Variants in PDE8A observed in about 807,000 individuals in gnomAD.
The protein encoded by PDE8A is high affinity cAMP-specific and IBMX-insensitive 3',5'-cyclic phosphodiesterase 8A.
Under a neutral mutation model 105.0 loss-of-function variants are expected in PDE8A, and 59 were observed. The ratio of observed to expected loss-of-function variants is 0.56; its 90% CI spans 0.46 to 0.70. The LOEUF is 0.70. Among genes scored for constraint, PDE8A ranks in the 30% least tolerant of loss-of-function variants. PDE8A has a pLI of 0.00. For synonymous variants in PDE8A, 355 were observed against 371.9 expected, an observed-to-expected ratio of 0.95 and a Z score of 0.52; for missense variants, 1,014 against 1,045.9, an observed-to-expected ratio of 0.97 and a Z score of 0.42.
At chr15:85,095,971 G>A (rs1375504992) in intron 8 of PDE8A, among the ~76,000 whole-genome samples, 1 of 151,640 alleles carries the variant, frequency 6.6e-6, no homozygotes, top group Non-Finnish European at 1.5e-5. Flanking sequence ...TGCCTCCTAG[G>A]TTCAAGCGAT....
Position 85,112,820 on chromosome 15 carries a change from A to G in PDE8A, c.1115-557A>G, listed in dbSNP as rs74027412. Among the ~76,000 whole-genome samples, 798 of 152,342 alleles carry G rather than the reference A, an allele frequency of 5.2e-3. 3 individuals carry two copies. Among genetic ancestry groups the G allele is most frequent in the African/African-American group, 0.017 (691 of 41,578 alleles). ...TATCTTGACAGGAACAACAGAAATT[A>G]ACAAACTTTAGAGCCTAAGAATTGC... On this transcript the variant is annotated intron_variant, in intron 12 of 21. Transcript: ENST00000394553.
chr15:85,115,956 T>C, intron 15 of PDE8A, 28 bp from the exon 16 acceptor site: 1 of 1,594,590 alleles, frequency 6.3e-7, no homozygotes, highest in Non-Finnish European at 8.6e-7. Flanking sequence ...TAAAGCCTAT[T>C]TGTTCTCCAA....
At chr15:85,017,887 CA>C (rs35782842) in intron 1 of PDE8A, among the ~76,000 whole-genome samples, 49 of 81,188 alleles carry the variant, frequency 6.0e-4, no homozygotes, top group East Asian at 1.3e-3. Flanking sequence ...AACTCCGTCT[CA>C]AAAAAAAAAA....
intron 1 of PDE8A, among the ~76,000 whole-genome samples, chr15:85,018,563 G>A (rs1286218768): frequency 1.3e-5 from 2 of 151,964 alleles, no homozygotes; most frequent in Non-Finnish European, 1.5e-5. Flanking sequence ...TTTAGTATTA[G>A]GAATAAGTAA....
Position 85,118,488 on chromosome 15 carries a change from C to T in PDE8A, c.1734+649C>T, listed in dbSNP as rs139864384. On this transcript the variant is annotated intron_variant, in intron 17 of 21. Transcript: ENST00000394553. ...GTTCCAAACTAGAATTCTTGCCTGC[C>T]CTGCCTCCCATGGAATGCCCTTACC... Among the ~76,000 whole-genome samples the T allele has an allele frequency of 3.2e-3, 484 of 152,272 alleles. 3 individuals carry two copies. Among genetic ancestry groups the T allele is most frequent in the African/African-American group, 0.011 (456 of 41,538 alleles).
At chr15:85,014,465 A>G (rs2080291338) in intron 1 of PDE8A, among the ~76,000 whole-genome samples, 1 of 152,232 alleles carries the variant, frequency 6.6e-6, no homozygotes, top group Admixed American at 6.5e-5. Context: ...CATAGGCAGG[A>G]TAAATGCTTG....
chr15:85,097,992 T>G lies in PDE8A; in HGVS notation c.897T>G (p.Asn299Lys). 6.2e-7 allele frequency: 1 copy of G among 1,604,656 alleles called. No individual in the cohort carries two copies. The highest frequency in any genetic ancestry group is 8.5e-7 in the Non-Finnish European group (1 of 1,171,626). ...ATGCCAAAAAGAAAAACGGAGATAA[T>G]ATACAACAAAATGTGAAGATAATAC... ...IYYAKKKNGD[N>K]IQQNVKIIPV... Residue 299 changes from asparagine to lysine, a missense_variant, in exon 9 of 22, where the codon AAT becomes AAG. Asn to Lys is a moderately conservative substitution (Grantham distance 94). Transcript: ENST00000394553.
In PDE8A at chr15:85,019,360, G is replaced by T. The variant is rs571460495; in HGVS notation, c.186+37012G>T. 9.9e-5 allele frequency among the ~76,000 whole-genome samples: 15 copies of T among 152,224 alleles called. No individual in the cohort carries two copies. In the South Asian group the frequency reaches 3.1e-3, roughly 32 times the overall value. ...AGTCAAAAAGATAGACATAGCAAAT[G>T]TATCAACATTTAAAAAATTTTTGAT... On this transcript the variant is annotated intron_variant, in intron 1 of 21. Coordinates refer to ENST00000394553, the MANE Select transcript of PDE8A (RefSeq NM_002605.3).
intron 1 of PDE8A, among the ~76,000 whole-genome samples, chr15:85,011,902 C>T (rs919233444): frequency 6.6e-6 from 1 of 152,232 alleles, no homozygotes; most frequent in Non-Finnish European, 1.5e-5. Flanking sequence ...TGAACAGACA[C>T]TTCTCAAATT....
chr15:85,019,943 G>GTTTTTTTTTTTTTTTTTTTTTTTTTTTT (rs201634002), intron 1 of PDE8A, among the ~76,000 whole-genome samples: 2 of 64,772 alleles, frequency 3.1e-5, no homozygotes, highest in Non-Finnish European at 2.7e-5. Flanking sequence ...TTTTTTTTTG[G>GTTTTTTTTTTTTTTTTTTTTTTTTTTTT]TTTTTTTTTT....
intron 14 of PDE8A, 121 bp downstream of exon 14, chr15:85,114,158 C>A: frequency 2.6e-6 from 2 of 778,256 alleles, no homozygotes; most frequent in Non-Finnish European, 2.1e-6. Context: ...TCAGTCAAGA[C>A]CTAAACTCTC....
chr15:85,064,504 T>G, intron 2 of PDE8A, 78 bp downstream of exon 2: 1 of 887,432 alleles, frequency 1.1e-6, no homozygotes, highest in Non-Finnish European at 1.9e-6. Flanking sequence ...ATTTACACAT[T>G]TAAAATAGTC....
chr15:85,068,148 C>G (rs2081259544), intron 3 of PDE8A, among the ~76,000 whole-genome samples: 1 of 152,146 alleles, frequency 6.6e-6, no homozygotes, highest in South Asian at 2.1e-4. Context: ...TCAAGGGATT[C>G]TCCTGCCTCA....
chr15:84,981,571 C>T (rs1483128928), upstream of PDE8A, among the ~76,000 whole-genome samples: 1 of 152,182 alleles, frequency 6.6e-6, no homozygotes, highest in Non-Finnish European at 1.5e-5. Flanking sequence ...CCAGCGGGAG[C>T]GTCTAAGGCT....
At chr15:85,083,394 G>A (rs1479265583) in intron 5 of PDE8A, among the ~76,000 whole-genome samples, 162 bp from the exon 6 acceptor site, 1 of 152,010 alleles carries the variant, frequency 6.6e-6, no homozygotes, top group Non-Finnish European at 1.5e-5. Context: ...AGCTAATCTG[G>A]TGCCCATAAA....
chr15:85,068,709 G>C (rs1435843315), intron 3 of PDE8A, among the ~76,000 whole-genome samples: 1 of 152,166 alleles, frequency 6.6e-6, no homozygotes, highest in Non-Finnish European at 1.5e-5. Context: ...GAAGAGGGAG[G>C]ACAGGGTGAG....
chr15:84,998,531 T>G (rs2080015685), intron 1 of PDE8A, among the ~76,000 whole-genome samples: 1 of 152,256 alleles, frequency 6.6e-6, no homozygotes, highest in South Asian at 2.1e-4. Context: ...TTTGAATGCA[T>G]GTACAGATAC....
At chr15:85,005,192 C>T (rs940366049) in intron 1 of PDE8A, among the ~76,000 whole-genome samples, 4 of 152,024 alleles carry the variant, frequency 2.6e-5, no homozygotes, top group Admixed American at 1.3e-4. Flanking sequence ...GTGGCATGAT[C>T]ACAGCTTGAG....
chr15:85,041,315 C>T (rs774311238), intron 1 of PDE8A, among the ~76,000 whole-genome samples: 1 of 152,190 alleles, frequency 6.6e-6, no homozygotes, highest in Non-Finnish European at 1.5e-5. Context: ...CTTAAAACAT[C>T]ATTTTCTGTT....
Sources: gnomAD v4.1 joint callset for allele counts (sites outside exome capture counted in the v4.1 genomes callset) on GRCh38, gnomAD v4.1.1 for gene constraint, MANE v1.5 for transcripts, NCBI Gene and HGNC (gene_info 2026-07-23, HGNC 2026-07-21) for gene names.